GAS7: variants seen among roughly 807,000 people sequenced by gnomAD.
The protein encoded by GAS7 is growth arrest specific 7, also known as growth arrest-specific protein 7.
Under a neutral mutation model 71.1 loss-of-function variants are expected in GAS7, and 28 were observed. The ratio of observed to expected loss-of-function variants is 0.39; its 90% confidence interval spans 0.29 to 0.54. The LOEUF (loss-of-function observed/expected upper bound fraction) is 0.54. GAS7 is among the 20% of genes least tolerant of loss of function. GAS7 has a pLI of 0.62. For missense variants in GAS7, 436 were observed against 627.8 expected (o/e 0.69, Z 3.27); for synonymous variants, 258 against 245.8 (o/e 1.05, Z -0.46).
intron 1 of GAS7, among the ~76,000 whole-genome samples, chr17:10,046,810 AAGGAAGG>A (rs2072971304): frequency 9.0e-6 from 1 of 111,538 alleles, no homozygotes; most frequent in Admixed American, 8.3e-5. Context: ...GGAAGGAAGG[AAGGAAGG>A]AAGGAAGGAA....
chr17:10,105,645 C>T (rs1021760783), intron 1 of GAS7, among the ~76,000 whole-genome samples: 3 of 152,174 alleles, frequency 2.0e-5, no homozygotes, highest in East Asian at 1.9e-4. Context: ...ACAGTTTAAG[C>T]GTCACCGCTC....
intron 1 of GAS7, among the ~76,000 whole-genome samples, chr17:10,057,483 G>A (rs142321546): frequency 0.023 from 3,482 of 149,234 alleles, 126 homozygotes; most frequent in African/African-American, 0.08. Flanking sequence ...CTACCCGGCC[G>A]CCCCATCTGA....
chr17:10,153,347 T>C (rs1255931186), intron 1 of GAS7, among the ~76,000 whole-genome samples: 3 of 151,758 alleles, frequency 2.0e-5, no homozygotes, highest in Admixed American at 6.6e-5. Flanking sequence ...TGAAACCCCA[T>C]CTCTACTAAA....
At chr17:10,108,396 C>G (rs1278157642) in intron 1 of GAS7, among the ~76,000 whole-genome samples, 1 of 152,206 alleles carries the variant, frequency 6.6e-6, no homozygotes, top group East Asian at 1.9e-4. Flanking sequence ...CACACACATT[C>G]TGGTGCATCT....
chr17:10,077,222 T>C (rs1179587346), intron 1 of GAS7, among the ~76,000 whole-genome samples: 2 of 152,190 alleles, frequency 1.3e-5, no homozygotes, highest in African/African-American at 4.8e-5. Context: ...TCCCTTACAC[T>C]ACAGTAAACG....
chr17:10,192,423 C>A (rs947540100), intron 1 of GAS7, among the ~76,000 whole-genome samples: 2 of 152,050 alleles, frequency 1.3e-5, no homozygotes, highest in African/African-American at 4.8e-5. Context: ...CCTGGTTTAC[C>A]AAAAAACATT....
intron 1 of GAS7, among the ~76,000 whole-genome samples, chr17:10,141,763 AC>A (rs1393872455): frequency 6.6e-6 from 1 of 152,172 alleles, no homozygotes; most frequent in Non-Finnish European, 1.5e-5. Flanking sequence ...TATGATAGAT[AC>A]CATACAATGC....
intron 1 of GAS7, among the ~76,000 whole-genome samples, chr17:10,169,250 G>T (rs1033248888): frequency 6.6e-6 from 1 of 151,882 alleles, no homozygotes; most frequent in Non-Finnish European, 1.5e-5. Context: ...TGGGCAACAA[G>T]AGCAAGACTT....
At position 9,913,949 on chromosome 17, in the gene GAS7, G is replaced by A. The variant is rs530297227; in HGVS notation, c.*3279C>T. 4.3e-6 allele frequency: 1 copy of A among 232,044 alleles called. No homozygotes were observed. Among genetic ancestry groups the A allele is most frequent in the Non-Finnish European group, 8.5e-6 (1 of 117,422 alleles). The allele number at this position is 232,044 out of a possible 1,614,324, so 14.4% of individuals were successfully genotyped here. On this transcript the variant is annotated 3_prime_UTR_variant, in exon 14 of 14. Transcript: ENST00000432992. ...TCAGAAATGGAAGGGACATTCTCAA[G>A]AATAGCCCAGACCCGCCCACTTTGA...
rs2073699073 is a variant in GAS7 at position 10,101,561 on chromosome 17, G to GCGGTA, written c.184-81669_184-81665dup. Among the ~76,000 whole-genome samples the GCGGTA allele has an allele frequency of 5.9e-5, 9 of 152,316 alleles. No individual in the cohort carries two copies. In the South Asian group the frequency reaches 1.9e-3, roughly 32 times the overall value. On this transcript the variant is annotated intron_variant, in intron 1 of 13. Transcript: ENST00000432992. Reference sequence around the variant, plus strand: ...GCCACCTAACACATCTCTAGAACAGGCGGTACCTACAGCCACACGCCTGTG... The same window carrying GCGGTA: ...GCCACCTAACACATCTCTAGAACAGGCGGTACGGTACCTACAGCCACACGCCTGTG...
At chr17:10,046,211 C>A (rs73974413) in intron 1 of GAS7, among the ~76,000 whole-genome samples, 3 of 152,020 alleles carry the variant, frequency 2.0e-5, no homozygotes, top group Non-Finnish European at 1.5e-5. Flanking sequence ...CGGTACCCGG[C>A]GTGTGACTGA....
intron 1 of GAS7, among the ~76,000 whole-genome samples, chr17:10,156,661 G>C (rs1010586570): frequency 1.3e-5 from 2 of 152,168 alleles, no homozygotes; most frequent in Non-Finnish European, 2.9e-5. Context: ...ATAGGTAGGA[G>C]ATGAAGGTTC....
intron 7 of GAS7, among the ~76,000 whole-genome samples, chr17:9,940,648 C>A (rs1264516142): frequency 6.6e-6 from 1 of 152,208 alleles, no homozygotes; most frequent in Non-Finnish European, 1.5e-5. Context: ...AGCAGCAGAA[C>A]AGAACATCTC....
chr17:10,147,152 T>A (rs945370358), intron 1 of GAS7, among the ~76,000 whole-genome samples: 20 of 152,336 alleles, frequency 1.3e-4, no homozygotes, highest in African/African-American at 3.6e-4. Flanking sequence ...CCATTTTTTT[T>A]AATATGTTAA....
chr17:10,126,533 ACACACAAAGAGCG>A (rs1047708021), intron 1 of GAS7, among the ~76,000 whole-genome samples: 9 of 42,660 alleles, frequency 2.1e-4, no homozygotes, highest in South Asian at 1.0e-3. Flanking sequence ...ACACAAGCAC[ACACACAAAGAGCG>A]CACACACGCA....
At chr17:10,144,356 C>T (rs2074106123) in intron 1 of GAS7, among the ~76,000 whole-genome samples, 1 of 152,112 alleles carries the variant, frequency 6.6e-6, no homozygotes, top group African/African-American at 2.4e-5. Flanking sequence ...GATATTATCC[C>T]AAAGTGAAGG....
At chr17:10,046,849 GAAAA>G (rs2072977470) in intron 1 of GAS7, among the ~76,000 whole-genome samples, 1 of 127,540 alleles carries the variant, frequency 7.8e-6, no homozygotes, top group African/African-American at 3.6e-5. Flanking sequence ...AGGAAGGAAA[GAAAA>G]GAAAAGAAAA....
intron 5 of GAS7, among the ~76,000 whole-genome samples, chr17:9,955,494 C>G (rs1307910177): frequency 6.6e-6 from 1 of 152,232 alleles, no homozygotes; most frequent in Non-Finnish European, 1.5e-5. Flanking sequence ...AAGGCAGGTG[C>G]TATTATTATC....
At chr17:9,925,045 G>C (rs369601333) in intron 11 of GAS7, among the ~76,000 whole-genome samples, 1 of 152,250 alleles carries the variant, frequency 6.6e-6, no homozygotes, top group Non-Finnish European at 1.5e-5. Context: ...CCTTCAGAGA[G>C]AGCATTGCTT....
Sources: gnomAD v4.1 joint callset for allele counts (sites outside exome capture counted in the v4.1 genomes callset) on GRCh38, gnomAD v4.1.1 for gene constraint, MANE v1.5 for transcripts, NCBI Gene and HGNC (gene_info 2026-07-23, HGNC 2026-07-21) for gene names.